Variants in CELSR1 observed in about 807,000 individuals in gnomAD.
CELSR1 encodes the protein cadherin EGF LAG seven-pass G-type receptor 1.
CELSR1 carries 110 observed loss-of-function variants against 249.1 expected under a neutral mutation model. The observed-to-expected ratio is 0.44, with a 90% confidence interval of 0.38 to 0.52. CELSR1 has a LOEUF of 0.52. Among genes scored for constraint, CELSR1 ranks in the 20% least tolerant of loss-of-function variants. The pLI is 0.00. For synonymous variants in CELSR1, 2,113 were observed against 1,900.0 expected, an observed-to-expected ratio of 1.11 and a Z score of -2.92; for missense variants, 4,109 against 4,296.4, an observed-to-expected ratio of 0.96 and a Z score of 1.22.
chr22:46,534,547 G>A lies in CELSR1; in HGVS notation c.2624C>T (p.Thr875Ile), dbSNP rs199936313. 9.7e-5 allele frequency: 157 copies of A among 1,613,702 alleles called. 1 individual carries two copies. In the East Asian group the frequency reaches 3.4e-3, roughly 35 times the overall value. The change falls in exon 1 of 35, where the codon ACC becomes ATC. Residue 875 changes from threonine to isoleucine, a missense_variant. Coordinates refer to ENST00000674500, the MANE Select transcript of CELSR1 (RefSeq NM_001378328.1). This position sits in a 1 kb window ranked among gnomAD's most constrained non-coding sequence, Gnocchi z 9.7. The stretch of plus-strand genomic sequence containing the variant: ...GAGGATGAGGATCTCTAGGGTGGTG[G>A]TGTCTGATTTCTGCGGGATGCCGTT... ...QDNGIPQKSDTTTLEILILDA... is the reference protein window; with the variant it reads ...QDNGIPQKSDITTLEILILDA...
chr22:46,514,879 A>G (rs2080611049), intron 1 of CELSR1, among the ~76,000 whole-genome samples: 1 of 152,236 alleles, frequency 6.6e-6, no homozygotes, highest in African/African-American at 2.4e-5. Flanking sequence ...CCCGCCGTCA[A>G]TCCAGCCCTC....
intron 14 of CELSR1, among the ~76,000 whole-genome samples, chr22:46,392,339 AC>A (rs1470927032): frequency 6.6e-6 from 1 of 151,316 alleles, no homozygotes; most frequent in African/African-American, 2.4e-5. Flanking sequence ...CACCCCCTCA[AC>A]CCCGCCCCGG....
rs4823840 is a variant in CELSR1, at chr22:46,518,647, C to T, written c.3544+14980G>A. Among the ~76,000 whole-genome samples, 37,214 of 152,180 alleles carry T rather than the reference C, an allele frequency of 0.24. 4,746 individuals carry two copies. Among genetic ancestry groups the T allele is most frequent in the African/African-American group, 0.28 (11,580 of 41,538 alleles). Reference sequence around the variant, plus strand: ...TAAGATGGGGCCAGGCACGGTGGCCCACGCCTGTAATCCGAGTGTGGCTGC... The same window carrying T: ...TAAGATGGGGCCAGGCACGGTGGCCTACGCCTGTAATCCGAGTGTGGCTGC... On this transcript the variant is annotated intron_variant, in intron 1 of 34. Coordinates refer to ENST00000674500, the MANE Select transcript of CELSR1 (RefSeq NM_001378328.1). This position sits in a 1 kb window ranked among gnomAD's most constrained non-coding sequence, Gnocchi z 5.2.
chr22:46,507,140 C>T (rs1005303713), intron 1 of CELSR1, among the ~76,000 whole-genome samples: 9 of 152,088 alleles, frequency 5.9e-5, no homozygotes, highest in Non-Finnish European at 1.0e-4. Flanking sequence ...GAGCTGAGAC[C>T]GCACCACTGC....
In CELSR1 at chr22:46,373,781, A is replaced by G. The variant is rs377287111; in HGVS notation, c.7585-724T>C. Among the ~76,000 whole-genome samples the G allele has an allele frequency of 3.1e-3, 472 of 151,744 alleles. 6 individuals carry two copies. The highest frequency in any genetic ancestry group is 0.011 in the African/African-American group (461 of 41,190). On this transcript the variant is annotated intron_variant, in intron 24 of 34. Coordinates refer to ENST00000674500, the MANE Select transcript of CELSR1 (RefSeq NM_001378328.1). Reference sequence around the variant, plus strand: ...TCCCACCACCCTGACCCCACCCCCAACCGGCCTGCTCTGGACACACTGTCT... The same window carrying G: ...TCCCACCACCCTGACCCCACCCCCAGCCGGCCTGCTCTGGACACACTGTCT...
At chr22:46,477,089 TG>T (rs2080216373) in intron 1 of CELSR1, among the ~76,000 whole-genome samples, 2 of 152,160 alleles carry the variant, frequency 1.3e-5, no homozygotes, top group African/African-American at 4.8e-5. Context: ...AAGTCAGAAA[TG>T]AACAGGTTTC....
chr22:46,418,566 G>C (rs970992680), intron 5 of CELSR1, among the ~76,000 whole-genome samples: 2 of 152,100 alleles, frequency 1.3e-5, no homozygotes, highest in African/African-American at 2.4e-5. Context: ...GAAAAAAGCA[G>C]CAAGTAAGCA....
In CELSR1 at chr22:46,413,792, G is replaced by A. The variant is rs890772089; in HGVS notation, c.4612-2033C>T. On this transcript the variant is annotated intron_variant, in intron 5 of 34. Coordinates refer to ENST00000674500, the MANE Select transcript of CELSR1 (RefSeq NM_001378328.1). This position sits in a 1 kb window ranked among gnomAD's most constrained non-coding sequence, Gnocchi z 4.7. ...TAACGCGGCCCACTTTGGAAAACGC[G>A]TGGAAGTGCCCATTATGGGACGCTT... Among the ~76,000 whole-genome samples, 2 of 152,216 alleles carry A rather than the reference G, an allele frequency of 1.3e-5. No homozygotes were observed. Among genetic ancestry groups the A allele is most frequent in the African/African-American group, 2.4e-5 (1 of 41,452 alleles).
chr22:46,523,471 T>C (rs1277959269), intron 1 of CELSR1, among the ~76,000 whole-genome samples: 14 of 151,900 alleles, frequency 9.2e-5, no homozygotes. Context: ...GAGGTTGCAG[T>C]GGGCTGAGAT....
chr22:46,479,527 G>A (rs1056003811), intron 1 of CELSR1, among the ~76,000 whole-genome samples: 1 of 149,962 alleles, frequency 6.7e-6, no homozygotes, highest in African/African-American at 2.4e-5. Context: ...CACGGAGCCA[G>A]AGACCACAGC....
In CELSR1 at chr22:46,391,394, C is replaced by G; in HGVS notation, c.6149-107G>C. The G allele has an allele frequency of 9.5e-7, 1 of 1,056,572 alleles. No individual in the cohort carries two copies. Among genetic ancestry groups the G allele is most frequent in the Non-Finnish European group, 1.4e-6 (1 of 730,914 alleles). The allele number at this position is 1,056,572 out of a possible 1,614,324, so 65.4% of individuals were successfully genotyped here. On this transcript the variant is annotated intron_variant, in intron 15 of 34. Coordinates refer to ENST00000674500, the MANE Select transcript of CELSR1 (RefSeq NM_001378328.1). This position sits in a 1 kb window ranked among gnomAD's most constrained non-coding sequence, Gnocchi z 4.3. ...CTCCCTGCAGGAGGCCCTGCTCCCA[C>G]CAAGAACCGAACCCTAGCATCTCCC...
chr22:46,420,337 C>T (rs1203126552), intron 5 of CELSR1, among the ~76,000 whole-genome samples: 1 of 151,684 alleles, frequency 6.6e-6, no homozygotes, highest in Non-Finnish European at 1.5e-5. Context: ...CACTCGTGCA[C>T]TCATGTGCAC....
rs1330743814 is a variant in CELSR1 at position 46,468,385 on chromosome 22, C to A, written c.3545-4040G>T. ...TGGGCAACAAAGCAAGACTCTGTCTCAAAAAAAAAAAAAAATGTGGTCCAT... is the reference window on the plus strand; with the variant it reads ...TGGGCAACAAAGCAAGACTCTGTCTAAAAAAAAAAAAAAAATGTGGTCCAT... On this transcript the variant is annotated intron_variant, in intron 1 of 34. Transcript: ENST00000674500. The surrounding 1 kb of genome is among the most constrained non-coding windows in gnomAD (Gnocchi z 4.5). 5.6e-4 allele frequency among the ~76,000 whole-genome samples: 79 copies of A among 141,760 alleles called. No homozygotes were observed. Among genetic ancestry groups the A allele is most frequent in the Middle Eastern group, 3.7e-3 (1 of 268 alleles). 93.0% of individuals were successfully genotyped at this position (141,760 alleles called of 152,430 possible).
chr22:46,398,489 C>T lies in CELSR1; in HGVS notation c.5526+35G>A. 1 of 1,496,982 alleles carries T rather than the reference C, an allele frequency of 6.7e-7. No individual in the cohort carries two copies. The highest frequency in any genetic ancestry group is 9.2e-7 in the Non-Finnish European group (1 of 1,091,800). The allele number at this position is 1,496,982 out of a possible 1,614,324, so 92.7% of individuals were successfully genotyped here. On this transcript the variant is annotated intron_variant, in intron 11 of 34. Transcript: ENST00000674500. The surrounding 1 kb of genome is among the most constrained non-coding windows in gnomAD (Gnocchi z 7.2). Reference sequence around the variant, plus strand: ...CAGCCTCGGAGCTGCCTGTGAGGGGCAGGCCTCCCCCCGCCCCCCACAACC... The same window carrying T: ...CAGCCTCGGAGCTGCCTGTGAGGGGTAGGCCTCCCCCCGCCCCCCACAACC...
At chr22:46,366,269 G>C (rs1264992567) in intron 30 of CELSR1, 117 bp downstream of exon 30, 1 of 691,944 alleles carries the variant, frequency 1.4e-6, no homozygotes, top group Admixed American at 2.5e-5. Flanking sequence ...GGTGCGGGTG[G>C]AAAGTTGGGG....
In CELSR1 at chr22:46,446,615, G is replaced by A. The variant is rs183837929; in HGVS notation, c.4184-7204C>T. ...CAGGGAGGGTCGCAGGGGGTCGGTG[G>A]GGGGGAAAGCTGGGTCCATAGCAGG... On this transcript the variant is annotated intron_variant, in intron 2 of 34. Transcript: ENST00000674500. The surrounding 1 kb of genome is among the most constrained non-coding windows in gnomAD (Gnocchi z 5.5). Among the ~76,000 whole-genome samples the A allele has an allele frequency of 6.7e-6, 1 of 148,172 alleles. No individual in the cohort carries two copies. The highest frequency in any genetic ancestry group is 2.1e-4 in the South Asian group (1 of 4,808).
At chr22:46,438,658 G>T (rs1470854893) in intron 3 of CELSR1, among the ~76,000 whole-genome samples, 1 of 152,240 alleles carries the variant, frequency 6.6e-6, no homozygotes, top group Non-Finnish European at 1.5e-5. Flanking sequence ...GTTATTGGAG[G>T]TGGAGAGGAT....
chr22:46,490,348 G>A lies in CELSR1; in HGVS notation c.3545-26003C>T, dbSNP rs181031511. 2.0e-5 allele frequency among the ~76,000 whole-genome samples: 3 copies of A among 152,174 alleles called. No individual in the cohort carries two copies. Among genetic ancestry groups the A allele is most frequent in the Admixed American group, 1.3e-4 (2 of 15,282 alleles). On this transcript the variant is annotated intron_variant, in intron 1 of 34. Transcript: ENST00000674500. The surrounding 1 kb of genome is among the most constrained non-coding windows in gnomAD (Gnocchi z 5.2). ...GCCACCCAGGCTGGAGTACAGCGGC[G>A]CAATCTTGGCTCACTCCAACCTCCG...
rs188248683 is a variant in CELSR1, at chr22:46,445,647, G to A, written c.4184-6236C>T. ...GAGTCTGTGTGGACAAGGATTTTGG[G>A]AGCCACTGCTGAATTCACTACAGTG... On this transcript the variant is annotated intron_variant, in intron 2 of 34. Coordinates refer to ENST00000674500, the MANE Select transcript of CELSR1 (RefSeq NM_001378328.1). This position sits in a 1 kb window ranked among gnomAD's most constrained non-coding sequence, Gnocchi z 4.4. Among the ~76,000 whole-genome samples the A allele has an allele frequency of 2.0e-5, 3 of 152,278 alleles. No homozygotes were observed. The highest frequency in any genetic ancestry group is 2.0e-4 in the Admixed American group (3 of 15,300).
Sources: gnomAD v4.1 joint callset for allele counts (sites outside exome capture counted in the v4.1 genomes callset) on GRCh38, gnomAD v4.1.1 for gene constraint, Gnocchi (gnomAD v3.1) non-coding constraint, MANE v1.5 for transcripts, NCBI Gene and HGNC (gene_info 2026-07-23, HGNC 2026-07-21) for gene names.